Variants in SUPT3H observed in about 807,000 individuals in gnomAD.
SUPT3H encodes SPT3 homolog, SAGA and STAGA complex component.
A neutral mutation model predicts 44.3 loss-of-function variants in SUPT3H; 44 were observed. The observed-to-expected ratio is 0.99, with a 90% CI of 0.78 to 1.28. SUPT3H has a LOEUF of 1.28. Ranked by LOEUF, SUPT3H falls within the 50% of genes most tolerant of loss-of-function variation. The probability of loss-of-function intolerance (pLI) is 0.00; values close to 1 mark genes in which losing one functional copy is unlikely to be tolerated. For missense variants in SUPT3H, 380 were observed against 387.1 expected (o/e 0.98, Z 0.15); for synonymous variants, 124 against 125.6 (o/e 0.99, Z 0.09).
chr6:45,289,157 C>T (rs1309619832), intron 2 of SUPT3H, among the ~76,000 whole-genome samples: 5 of 151,974 alleles, frequency 3.3e-5, no homozygotes, highest in Non-Finnish European at 7.4e-5. Context: ...CTCTTATTTG[C>T]TTAATATTTT....
chr6:45,247,690 A>ATTT (rs10673729), intron 2 of SUPT3H, among the ~76,000 whole-genome samples: 262 of 144,804 alleles, frequency 1.8e-3, no homozygotes, highest in South Asian at 0.016. Context: ...TTCTTTTTCC[A>ATTT]TTTTTTTTTT....
chr6:45,266,162 A>ATT (rs5875916), intron 2 of SUPT3H, among the ~76,000 whole-genome samples: 310 of 150,698 alleles, frequency 2.1e-3, no homozygotes, highest in African/African-American at 6.7e-3. Context: ...TAACCTGACA[A>ATT]TTTTTTTTTT....
chr6:44,856,256 G>T (rs1170660825), intron 10 of SUPT3H, among the ~76,000 whole-genome samples: 1 of 152,152 alleles, frequency 6.6e-6, no homozygotes, highest in Non-Finnish European at 1.5e-5. Context: ...TCTGCACTCA[G>T]CTCCTGCAGT....
intron 2 of SUPT3H, among the ~76,000 whole-genome samples, chr6:45,173,024 C>T (rs12193812): frequency 0.23 from 34,533 of 151,964 alleles, 4,608 homozygotes; most frequent in Non-Finnish European, 0.31. Flanking sequence ...GAAATAAAGA[C>T]GCAAACAAAG....
At chr6:45,073,320 GTTAA>G (rs1471617854) in intron 3 of SUPT3H, among the ~76,000 whole-genome samples, 1 of 151,838 alleles carries the variant, frequency 6.6e-6, no homozygotes, top group Non-Finnish European at 1.5e-5. Context: ...CATATACCTT[GTTAA>G]TTAATTAGAC....
At chr6:45,051,223 T>C (rs1000154907) in intron 3 of SUPT3H, among the ~76,000 whole-genome samples, 9 of 151,444 alleles carry the variant, frequency 5.9e-5, no homozygotes, top group Non-Finnish European at 1.0e-4. Context: ...AGTGGAGAGG[T>C]TGGGGAATAG....
At chr6:45,266,209 T>G (rs73441184) in intron 2 of SUPT3H, among the ~76,000 whole-genome samples, 27,531 of 151,756 alleles carry the variant, frequency 0.18, 3,868 homozygotes, top group African/African-American at 0.39. Context: ...TCAAAATGGA[T>G]TTAGCCGTTA....
chr6:45,214,028 A>AAAAC (rs1554288446), intron 2 of SUPT3H, among the ~76,000 whole-genome samples: 1 of 150,310 alleles, frequency 6.7e-6, no homozygotes, highest in East Asian at 1.9e-4. Context: ...AAAAAAAAAA[A>AAAAC]AAAAAAACAA....
intron 10 of SUPT3H, among the ~76,000 whole-genome samples, chr6:44,919,100 C>A (rs1255050407): frequency 6.6e-6 from 1 of 152,196 alleles, no homozygotes; most frequent in African/African-American, 2.4e-5. Context: ...CTCATCATTT[C>A]ATAAATCCTA....
intron 2 of SUPT3H, among the ~76,000 whole-genome samples, chr6:45,121,519 G>GT (rs1491471196): frequency 5.0e-5 from 3 of 60,256 alleles, no homozygotes; most frequent in Non-Finnish European, 7.4e-5. Flanking sequence ...GAAATTATGT[G>GT]GGGGGGGGGG....
intron 9 of SUPT3H, among the ~76,000 whole-genome samples, chr6:44,947,536 C>A (rs1379883578): frequency 1.3e-5 from 2 of 152,074 alleles, no homozygotes; most frequent in Admixed American, 6.5e-5. Context: ...CTTTCAAAAT[C>A]CCACCAGGCT....
chr6:44,851,866 T>A (rs1244667243), intron 10 of SUPT3H, among the ~76,000 whole-genome samples: 1 of 152,198 alleles, frequency 6.6e-6, no homozygotes, highest in Non-Finnish European at 1.5e-5. Flanking sequence ...TACTGAACAC[T>A]GTTTCTATGG....
intron 6 of SUPT3H, among the ~76,000 whole-genome samples, chr6:45,003,391 C>A (rs1471658075): frequency 6.6e-6 from 1 of 152,068 alleles, no homozygotes. Flanking sequence ...CAGTAAATGT[C>A]AGATCCAGAG....
intron 2 of SUPT3H, among the ~76,000 whole-genome samples, chr6:45,216,230 C>G (rs1167584090): frequency 6.6e-6 from 1 of 151,828 alleles, no homozygotes. Flanking sequence ...ATGGTAACTA[C>G]CATCTGGAAG....
At chr6:44,891,451 A>G (rs1763302432) in intron 10 of SUPT3H, among the ~76,000 whole-genome samples, 1 of 152,180 alleles carries the variant, frequency 6.6e-6, no homozygotes, top group Admixed American at 6.6e-5. Flanking sequence ...ACACATTACA[A>G]TAAGTATAAA....
At chr6:44,839,589 C>T (rs1194381972) in intron 10 of SUPT3H, among the ~76,000 whole-genome samples, 1 of 152,090 alleles carries the variant, frequency 6.6e-6, no homozygotes, top group Admixed American at 6.5e-5. Flanking sequence ...CCCCTTGTTT[C>T]ACTTTTAACA....
chr6:44,991,119 T>C (rs997678311), intron 6 of SUPT3H, among the ~76,000 whole-genome samples: 13 of 151,990 alleles, frequency 8.6e-5, no homozygotes, highest in African/African-American at 3.1e-4. Flanking sequence ...AGGTAGGACA[T>C]GTAAAAGTAA....
At chr6:44,963,208 T>C (rs1447579154) in intron 6 of SUPT3H, among the ~76,000 whole-genome samples, 2 of 152,122 alleles carry the variant, frequency 1.3e-5, no homozygotes, top group South Asian at 4.1e-4. Context: ...GTCAGAAATA[T>C]CACGTCTCGG....
chr6:45,264,219 T>C (rs143383655), intron 2 of SUPT3H, among the ~76,000 whole-genome samples: 180 of 152,310 alleles, frequency 1.2e-3, no homozygotes, highest in African/African-American at 4.0e-3. Context: ...AAAAACTGAT[T>C]GGATCTTGAA....
Sources: gnomAD v4.1 joint callset for allele counts (sites outside exome capture counted in the v4.1 genomes callset) on GRCh38, gnomAD v4.1.1 for gene constraint, MANE v1.5 for transcripts, NCBI Gene and HGNC (gene_info 2026-07-23, HGNC 2026-07-21) for gene names.